The following DBX2 variants were observed in gnomAD, a reference collection of about 807,000 sequenced individuals.
The protein encoded by DBX2 is homeobox protein DBX2.
Under a neutral mutation model 17.7 loss-of-function variants are expected in DBX2, and 16 were observed. That is an observed-to-expected ratio of 0.90 (90% CI 0.61 to 1.37). The LOEUF is 1.37. Ranked by LOEUF, DBX2 falls within the 40% of genes most tolerant of loss-of-function variation. The pLI, the probability that DBX2 is intolerant of heterozygous loss-of-function variation, is 0.00. For synonymous variants in DBX2, 255 were observed against 183.8 expected (o/e 1.39, Z -3.13); for missense variants, 538 against 433.8 (o/e 1.24, Z -2.13).
At position 45,044,078 on chromosome 12, in the gene DBX2, G is replaced by C. The variant is rs1373131245; in HGVS notation, c.403+6447C>G. ...CCATTTACACGTTGGAGCAAGCGCT[G>C]GCATACTTCTATTATAAAAAGCAAG... On this transcript the variant is annotated intron_variant, in intron 1 of 3. Coordinates refer to ENST00000332700, the MANE Select transcript of DBX2 (RefSeq NM_001004329.3). Among the ~76,000 whole-genome samples the C allele has an allele frequency of 2.7e-5, 4 of 150,486 alleles. No homozygotes were observed. In the East Asian group the frequency reaches 5.8e-4, roughly 22 times the overall value.
chr12:45,016,977 G>T (rs540517497), intron 3 of DBX2, among the ~76,000 whole-genome samples: 48 of 152,012 alleles, frequency 3.2e-4, no homozygotes, highest in African/African-American at 1.1e-3. Flanking sequence ...GTACAGACAG[G>T]GTTTCATCAT....
chr12:45,039,739 G>A (rs1240748976), intron 1 of DBX2, among the ~76,000 whole-genome samples: 2 of 151,872 alleles, frequency 1.3e-5, no homozygotes, highest in African/African-American at 2.4e-5. Context: ...AAAAAAGGAC[G>A]AGAAAAACAA....
intron 3 of DBX2, among the ~76,000 whole-genome samples, chr12:45,019,762 C>A (rs1250857801): frequency 1.3e-5 from 2 of 152,094 alleles, no homozygotes; most frequent in Non-Finnish European, 2.9e-5. Context: ...AGGAAGCAAT[C>A]CATAATATTC....
intron 3 of DBX2, among the ~76,000 whole-genome samples, chr12:45,022,310 T>TG (rs1565580629): frequency 5.6e-5 from 8 of 142,022 alleles, no homozygotes; most frequent in Non-Finnish European, 9.2e-5. Flanking sequence ...TTTTTTTTTT[T>TG]TTTTTTTTTT....
chr12:45,016,860 T>C (rs1495036), intron 3 of DBX2, among the ~76,000 whole-genome samples: 63,145 of 151,962 alleles, frequency 0.42, 13,631 homozygotes, highest in South Asian at 0.65. Flanking sequence ...CTCAGCTCAC[T>C]GCAACCTCCG....
At chr12:45,036,239 T>C in intron 1 of DBX2, 125 bp from the exon 2 acceptor site, 1 of 883,878 alleles carries the variant, frequency 1.1e-6, no homozygotes, top group Non-Finnish European at 1.6e-6. Flanking sequence ...GAAATTAAAG[T>C]TATTATAAAG....
At chr12:45,019,279 C>A (rs562916716) in intron 3 of DBX2, among the ~76,000 whole-genome samples, 1 of 151,720 alleles carries the variant, frequency 6.6e-6, no homozygotes, top group South Asian at 2.1e-4. Flanking sequence ...TGCTACATAT[C>A]AATAAAAAGA....
intron 3 of DBX2, among the ~76,000 whole-genome samples, chr12:45,020,323 G>A (rs1946345136): frequency 6.6e-6 from 1 of 152,062 alleles, no homozygotes; most frequent in Admixed American, 6.6e-5. Flanking sequence ...CTTTCACTCA[G>A]TATAATATTT....
intron 1 of DBX2, among the ~76,000 whole-genome samples, chr12:45,041,449 A>G (rs1946470837): frequency 6.6e-6 from 1 of 152,220 alleles, no homozygotes; most frequent in Non-Finnish European, 1.5e-5. Context: ...AATATCAATT[A>G]GCTAATGAAG....
chr12:45,023,790 C>A lies in DBX2; in HGVS notation c.604G>T (p.Glu202Ter). ...TATTTCTGTTTCTGAAACATTTTCT[C>A]CAGAGCCTTTCTCTGGTCCTCAGAA... ...VFSEDQRKAL[E>*]KMFQKQKYIS... The change falls in exon 3 of 4, where the codon GAG becomes TAG. Residue 202 changes from glutamate (E) to a stop codon, truncating the protein, a stop_gained. Coordinates refer to ENST00000332700, the MANE Select transcript of DBX2 (RefSeq NM_001004329.3). LOFTEE classifies it high-confidence loss of function. The A allele has an allele frequency of 6.2e-7, 1 of 1,613,804 alleles. No individual in the cohort carries two copies. Among genetic ancestry groups the A allele is most frequent in the Non-Finnish European group, 8.5e-7 (1 of 1,179,894 alleles).
At chr12:45,018,153 T>C (rs1311639655) in intron 3 of DBX2, among the ~76,000 whole-genome samples, 1 of 152,200 alleles carries the variant, frequency 6.6e-6, no homozygotes, top group African/African-American at 2.4e-5. Flanking sequence ...TTCTATTCAT[T>C]AACTCATTTA....
chr12:45,016,292 A>T lies in DBX2; in HGVS notation c.1014T>A (p.Ala338=), dbSNP rs1224442. The T allele has an allele frequency of 1.3e-6, 2 of 1,550,590 alleles. No homozygotes were observed. The highest frequency in any genetic ancestry group is 2.3e-5 in the East Asian group (1 of 44,068). ...EAGSKGVLTG[A]V is the part of the protein sequence containing the mutation. ...CACGGAGGAATGCTTCCATTCAGAC[A>T]GCCCCAGTAAGTACACCCTTGCTTC... Residue 338 remains alanine (A), a synonymous_variant, in exon 4 of 4, where the codon GCT becomes GCA. Transcript: ENST00000332700.
chr12:45,050,840 C>G lies in DBX2; in HGVS notation c.88G>C (p.Gly30Arg). ...AAACTCTTGCCCAGGTTGCCAAAGC[C>G]GGGCGCAGCGGGGAGGTTGAGGAGC... Reference protein sequence around the residue: ...SALLNLPAAPGFGNLGKSFLI... With the variant: ...SALLNLPAAPRFGNLGKSFLI... The change falls in exon 1 of 4, where the codon GGC becomes CGC. Residue 30 changes from glycine to arginine, a missense_variant. Physicochemically the swap from Gly to Arg is moderately radical, Grantham distance 125 (BLOSUM62 -2). Coordinates refer to ENST00000332700, the MANE Select transcript of DBX2 (RefSeq NM_001004329.3). 1 of 1,538,036 alleles carries G rather than the reference C, an allele frequency of 6.5e-7. No homozygotes were observed. Among genetic ancestry groups the G allele is most frequent in the Non-Finnish European group, 8.7e-7 (1 of 1,145,168 alleles).
intron 2 of DBX2, among the ~76,000 whole-genome samples, chr12:45,033,142 C>T (rs931090958): frequency 6.6e-6 from 1 of 151,996 alleles, no homozygotes; most frequent in Non-Finnish European, 1.5e-5. Flanking sequence ...GGAAGTCAGT[C>T]GTAAATCTAA....
chr12:45,023,902 C>T lies in DBX2; in HGVS notation c.500-8G>A, dbSNP rs374041903. The T allele has an allele frequency of 5.1e-4, 782 of 1,533,892 alleles. 1 individual carries two copies. Among genetic ancestry groups the T allele is most frequent in the Non-Finnish European group, 6.1e-4 (703 of 1,147,758 alleles). On this transcript the variant is annotated splice_region_variant and splice_polypyrimidine_tract_variant and intron_variant, in intron 2 of 3. Transcript: ENST00000332700. ...GCAGCATGCTCTCTTCTCCTAGAGT[C>T]GAGGGAAAAAGATACAAAAGCCCAG...
intron 3 of DBX2, 94 bp downstream of exon 3, chr12:45,023,613 G>T: frequency 7.1e-7 from 1 of 1,405,086 alleles, no homozygotes. Context: ...GAAATCAGAA[G>T]CAGTTGCCTA....
intron 2 of DBX2, among the ~76,000 whole-genome samples, chr12:45,031,219 TGTGTGTGA>T (rs1204793992): frequency 1.8e-4 from 16 of 87,608 alleles, no homozygotes; most frequent in Admixed American, 4.3e-4. Context: ...TGTGTGTGTG[TGTGTGTGA>T]GAGAGAGAGA....
At chr12:45,020,801 C>T (rs1946347944) in intron 3 of DBX2, among the ~76,000 whole-genome samples, 1 of 151,724 alleles carries the variant, frequency 6.6e-6, no homozygotes, top group Non-Finnish European at 1.5e-5. Flanking sequence ...TGTAAGGGCG[C>T]ATGGTAAGCA....
intron 2 of DBX2, among the ~76,000 whole-genome samples, chr12:45,031,816 C>A (rs1054215904): frequency 1.3e-5 from 2 of 152,164 alleles, no homozygotes; most frequent in Non-Finnish European, 2.9e-5. Flanking sequence ...TAGACACATA[C>A]TGAGCTGACA....
Sources: allele counts gnomAD v4.1 joint callset (sites outside exome capture counted in the v4.1 genomes callset), GRCh38; gene constraint gnomAD v4.1.1; transcripts MANE v1.5; gene names NCBI Gene and HGNC (gene_info 2026-07-23, HGNC 2026-07-21).